NUAK1: variants seen among roughly 807,000 people sequenced by gnomAD.
The protein encoded by NUAK1 is NUAK family SNF1-like kinase 1.
In NUAK1, 26 loss-of-function variants were observed where a neutral mutation model predicts 56.9. The ratio of observed to expected loss-of-function variants is 0.46; its 90% confidence interval spans 0.33 to 0.63. NUAK1 has a LOEUF of 0.63. NUAK1 is among the 30% of genes least tolerant of loss of function. NUAK1 has a pLI of 0.02. For synonymous variants in NUAK1, 337 were observed against 336.0 expected, an observed-to-expected ratio of 1.00 and a Z score of -0.03; for missense variants, 727 against 876.1, an observed-to-expected ratio of 0.83 and a Z score of 2.15.
intron 1 of NUAK1, 138 bp from the exon 2 acceptor site, chr12:106,106,663 C>G: frequency 1.3e-6 from 1 of 790,910 alleles, no homozygotes; most frequent in East Asian, 2.8e-5. Context: ...GGAAATGCCC[C>G]CTTGTCATGT....
chr12:106,069,746 A>G (rs2032384072), intron 6 of NUAK1, among the ~76,000 whole-genome samples: 1 of 152,208 alleles, frequency 6.6e-6, no homozygotes, highest in Non-Finnish European at 1.5e-5. Flanking sequence ...GTAGAACATA[A>G]CTACTATGAA....
intron 4 of NUAK1, among the ~76,000 whole-genome samples, chr12:106,083,464 ATAAC>A (rs2032539238): frequency 6.6e-6 from 1 of 152,204 alleles, no homozygotes; most frequent in South Asian, 2.1e-4. Flanking sequence ...AATTATGTAA[ATAAC>A]AGTACCTACC....
At chr12:106,124,529 G>A (rs2033007495) in intron 1 of NUAK1, among the ~76,000 whole-genome samples, 1 of 152,180 alleles carries the variant, frequency 6.6e-6, no homozygotes, top group African/African-American at 2.4e-5. Flanking sequence ...AAGGCAAACA[G>A]AAGAGAATTC....
intron 5 of NUAK1, among the ~76,000 whole-genome samples, chr12:106,071,347 C>T (rs4964438): frequency 0.035 from 5,343 of 152,268 alleles, 201 homozygotes; most frequent in Admixed American, 0.11. Flanking sequence ...TCAATTCCTT[C>T]CTGCACTTTC....
At chr12:106,078,909 C>T (rs558009598) in intron 4 of NUAK1, among the ~76,000 whole-genome samples, 1 of 152,272 alleles carries the variant, frequency 6.6e-6, no homozygotes, top group Admixed American at 6.5e-5. Flanking sequence ...GAGAGTCTCT[C>T]GCAGTGATAG....
chr12:106,117,454 A>G (rs1284100147), intron 1 of NUAK1, among the ~76,000 whole-genome samples: 1 of 152,288 alleles, frequency 6.6e-6, no homozygotes, highest in South Asian at 2.1e-4. Context: ...ATTTCCAAAA[A>G]AAGCCAAGGC....
chr12:106,082,853 C>A (rs1000441409), intron 4 of NUAK1, among the ~76,000 whole-genome samples: 3 of 152,086 alleles, frequency 2.0e-5, no homozygotes, highest in Non-Finnish European at 4.4e-5. Flanking sequence ...GCAGCAACAA[C>A]AAAAAAATCA....
At chr12:106,078,769 G>A (rs1261021516) in intron 4 of NUAK1, among the ~76,000 whole-genome samples, 8 of 152,182 alleles carry the variant, frequency 5.3e-5, no homozygotes, top group Non-Finnish European at 2.9e-5. Flanking sequence ...AAGAGGGCGC[G>A]TCCAAGCAGC....
At chr12:106,076,627 C>T (rs1451068154) in intron 4 of NUAK1, among the ~76,000 whole-genome samples, 1 of 152,142 alleles carries the variant, frequency 6.6e-6, no homozygotes, top group Non-Finnish European at 1.5e-5. Flanking sequence ...AGGTGTTCCC[C>T]ACTGCATGAA....
chr12:106,115,569 G>A (rs1338708921), intron 1 of NUAK1, among the ~76,000 whole-genome samples: 1 of 152,152 alleles, frequency 6.6e-6, no homozygotes, highest in Non-Finnish European at 1.5e-5. Flanking sequence ...AGCTCTCATT[G>A]TCCATTATTC....
intron 1 of NUAK1, among the ~76,000 whole-genome samples, chr12:106,131,957 C>A (rs1298444022): frequency 1.3e-5 from 2 of 152,132 alleles, no homozygotes; most frequent in Non-Finnish European, 2.9e-5. Context: ...TCGTCTGGGC[C>A]AGCACGATGA....
intron 2 of NUAK1, among the ~76,000 whole-genome samples, chr12:106,098,128 A>G (rs1288200962): frequency 6.6e-6 from 1 of 152,176 alleles, no homozygotes; most frequent in Non-Finnish European, 1.5e-5. Context: ...TTTTTAGAGC[A>G]GTGATTTTCG....
In NUAK1 at chr12:106,120,454, G is replaced by A. The variant is rs201577900; in HGVS notation, c.241-13929C>T. 5.9e-5 allele frequency among the ~76,000 whole-genome samples: 9 copies of A among 152,022 alleles called. No individual in the cohort carries two copies. In the East Asian group the frequency reaches 7.7e-4, roughly 13 times the overall value. On this transcript the variant is annotated intron_variant, in intron 1 of 6. Transcript: ENST00000261402. ...TAACGAACAGACGTTATGCAGAGGC[G>A]TGTGCAAATACAAACACCACAATGA... is the stretch of plus-strand genomic sequence containing the variant.
chr12:106,134,362 C>T (rs2033108162), intron 1 of NUAK1, among the ~76,000 whole-genome samples: 1 of 152,236 alleles, frequency 6.6e-6, no homozygotes, highest in Non-Finnish European at 1.5e-5. Flanking sequence ...CTATGAATAG[C>T]TTTGGGTGCT....
chr12:106,111,219 G>C (rs1310313284), intron 1 of NUAK1, among the ~76,000 whole-genome samples: 1 of 152,176 alleles, frequency 6.6e-6, no homozygotes, highest in East Asian at 1.9e-4. Context: ...CTGAATGGCA[G>C]TGATTATAAA....
intron 1 of NUAK1, among the ~76,000 whole-genome samples, chr12:106,113,618 A>G (rs184036008): frequency 6.6e-4 from 99 of 151,008 alleles, no homozygotes; most frequent in African/African-American, 2.3e-3. Context: ...AGCAGGGTAA[A>G]TGTGGCCCTG....
At chr12:106,127,740 T>G (rs2033037214) in intron 1 of NUAK1, among the ~76,000 whole-genome samples, 1 of 152,146 alleles carries the variant, frequency 6.6e-6, no homozygotes, top group African/African-American at 2.4e-5. Flanking sequence ...AAATGCAGCC[T>G]TTCAGTGAAT....
At chr12:106,120,816 G>A (rs777445869) in intron 1 of NUAK1, among the ~76,000 whole-genome samples, 38 of 152,294 alleles carry the variant, frequency 2.5e-4, no homozygotes, top group Middle Eastern at 3.4e-3. Context: ...CCACAGGGGC[G>A]AGGATGGAGG....
At chr12:106,095,598 G>A (rs1056327867) in intron 2 of NUAK1, among the ~76,000 whole-genome samples, 10 of 152,188 alleles carry the variant, frequency 6.6e-5, no homozygotes, top group East Asian at 5.8e-4. Flanking sequence ...GCAAGTGTAC[G>A]CAGAAGTGTT....
Sources: gnomAD v4.1 joint callset for allele counts (sites outside exome capture counted in the v4.1 genomes callset) on GRCh38, gnomAD v4.1.1 for gene constraint, MANE v1.5 for transcripts, NCBI Gene and HGNC (gene_info 2026-07-23, HGNC 2026-07-21) for gene names.